The following CELA3B variants were observed in gnomAD, a reference collection of about 807,000 sequenced individuals.
CELA3B encodes the protein chymotrypsin like elastase 3B.
A neutral mutation model predicts 37.2 loss-of-function variants in CELA3B; 34 were observed. That is an observed-to-expected ratio of 0.91 (90% CI 0.70 to 1.22). CELA3B has a LOEUF of 1.22. Ranked by LOEUF, CELA3B falls within the 50% of genes most tolerant of loss-of-function variation. The pLI is 0.00. For synonymous variants in CELA3B, 127 were observed against 143.5 expected, an observed-to-expected ratio of 0.89 and a Z score of 0.82; for missense variants, 340 against 363.1, an observed-to-expected ratio of 0.94 and a Z score of 0.52.
chr1:21,982,082 C>A (rs1014428395), intron 4 of CELA3B, among the ~76,000 whole-genome samples: 1 of 151,994 alleles, frequency 6.6e-6, no homozygotes, highest in East Asian at 1.9e-4. Context: ...TTTTTTCTGG[C>A]GAGAGGGTCA....
intron 6 of CELA3B, among the ~76,000 whole-genome samples, chr1:21,986,099 C>T (rs910064292): frequency 6.8e-6 from 1 of 146,200 alleles, no homozygotes; most frequent in African/African-American, 2.5e-5. Flanking sequence ...GCTGGCTGGG[C>T]GTGGTGGCTC....
chr1:21,983,362 A>T (rs1173279365), intron 4 of CELA3B, among the ~76,000 whole-genome samples: 2 of 151,906 alleles, frequency 1.3e-5, no homozygotes, highest in Non-Finnish European at 2.9e-5. Context: ...CTCAAAAAAA[A>T]AAATAAAAAA....
intron 4 of CELA3B, among the ~76,000 whole-genome samples, chr1:21,996,452 C>T (rs1166975186): frequency 2.6e-5 from 4 of 151,098 alleles, no homozygotes; most frequent in African/African-American, 7.4e-5. Context: ...GCCATGGCAA[C>T]GTCAGGAAGT....
intron 6 of CELA3B, among the ~76,000 whole-genome samples, chr1:21,984,891 G>T (rs1214675795): frequency 2.0e-5 from 3 of 151,996 alleles, no homozygotes; most frequent in Non-Finnish European, 2.9e-5. Flanking sequence ...AGGTTGCAGT[G>T]AGTGGAGATC....
At position 21,996,674 on chromosome 1, in the gene CELA3B, T is replaced by C. The variant is rs1403274215; in HGVS notation, c.505-1477T>C. On this transcript the variant is annotated intron_variant, in intron 4 of 4. Coordinates refer to the CELA3B transcript ENST00000400277. ...CAAGAACCCTCTCTTGGCATCTAGATTGGGACCCCTTTCCTGTAACATCGG... is the reference window on the plus strand; with the variant it reads ...CAAGAACCCTCTCTTGGCATCTAGACTGGGACCCCTTTCCTGTAACATCGG... 2.6e-5 allele frequency among the ~76,000 whole-genome samples: 4 copies of C among 151,164 alleles called. 1 individual carries two copies. Among genetic ancestry groups the C allele is most frequent in the African/African-American group, 9.8e-5 (4 of 40,790 alleles).
chr1:21,984,298 G>A lies in CELA3B; in HGVS notation c.609G>A (p.Val203=), dbSNP rs750016665. 2.5e-6 allele frequency: 4 copies of A among 1,613,988 alleles called. No individual in the cohort carries two copies. The highest frequency in any genetic ancestry group is 3.4e-6 in the Non-Finnish European group (4 of 1,180,008). Residue 203 remains valine, a synonymous_variant, in exon 6 of 8, where the codon GTG becomes GTA. Transcript: ENST00000337107. ...WWGSSVKKTM[V]CAGGDIRSGC... ...GTTCCTCCGTGAAGAAGACCATGGT[G>A]TGTGCTGGAGGGGACATCCGCTCCG...
intron 4 of CELA3B, among the ~76,000 whole-genome samples, chr1:21,981,837 T>C (rs888577491): frequency 9.9e-5 from 15 of 152,016 alleles, no homozygotes; most frequent in African/African-American, 3.6e-4. Flanking sequence ...ACCATTCTCC[T>C]GCCTCAGCGT....
chr1:21,977,589 T>A lies in CELA3B; in HGVS notation c.43+507T>A, dbSNP rs560589262. ...ACTATGCCAGGCAGAATGTTTAGGGTTTTCCTTATACTTTCTCATGTAATT... is the reference window on the plus strand; with the variant it reads ...ACTATGCCAGGCAGAATGTTTAGGGATTTCCTTATACTTTCTCATGTAATT... On this transcript the variant is annotated intron_variant, in intron 1 of 7. Coordinates refer to ENST00000337107, the MANE Select transcript of CELA3B (RefSeq NM_007352.4). Among the ~76,000 whole-genome samples the A allele has an allele frequency of 1.4e-3, 212 of 152,112 alleles. 7 individuals are homozygous for A. The East Asian group carries it at 0.023, about 16-fold the overall frequency.
chr1:21,997,350 C>A (rs1267766558), intron 4 of CELA3B, among the ~76,000 whole-genome samples: 229 of 117,300 alleles, frequency 2.0e-3, no homozygotes, highest in Non-Finnish European at 3.0e-3. Flanking sequence ...CGACTCATCT[C>A]AAAAAAAAAA....
At chr1:21,997,305 G>T (rs1644894424) in intron 4 of CELA3B, among the ~76,000 whole-genome samples, 1 of 143,554 alleles carries the variant, frequency 7.0e-6, no homozygotes, top group African/African-American at 2.6e-5. Context: ...AGGTTGCAGT[G>T]AGCTGAGATC....
intron 2 of CELA3B, among the ~76,000 whole-genome samples, chr1:21,979,175 C>G (rs56395006): frequency 7.9e-5 from 12 of 151,598 alleles, no homozygotes; most frequent in Admixed American, 4.6e-4. Flanking sequence ...CGGGTTCAAG[C>G]GATTCTCCTA....
intron 4 of CELA3B, among the ~76,000 whole-genome samples, chr1:21,997,746 G>C (rs1395407005): frequency 2.0e-5 from 3 of 151,082 alleles, no homozygotes; most frequent in Non-Finnish European, 2.9e-5. Context: ...AATTTAGTAG[G>C]ACTATAACAT....
chr1:21,994,324 G>T (rs1051617520), downstream of CELA3B, among the ~76,000 whole-genome samples: 1 of 150,590 alleles, frequency 6.6e-6, no homozygotes, highest in Non-Finnish European at 1.5e-5. Flanking sequence ...CACCAGACAT[G>T]CCTGGGCTGG....
chr1:21,981,819 G>A (rs1481439348), intron 4 of CELA3B, among the ~76,000 whole-genome samples: 1 of 151,562 alleles, frequency 6.6e-6, no homozygotes, highest in African/African-American at 2.4e-5. Context: ...TCTGCCTCCC[G>A]GGTTCACACC....
downstream of CELA3B, among the ~76,000 whole-genome samples, chr1:21,992,003 C>T (rs774388951): frequency 2.4e-4 from 36 of 150,842 alleles, no homozygotes; most frequent in Non-Finnish European, 4.6e-4. Flanking sequence ...GCCTGTAATC[C>T]CAGCTACTCA....
At chr1:21,988,903 A>G (rs542658138) in intron 7 of CELA3B, among the ~76,000 whole-genome samples, 13 of 103,448 alleles carry the variant, frequency 1.3e-4, no homozygotes, top group African/African-American at 3.6e-4. Context: ...AAGAAAAAAA[A>G]CTCCAAAAAT....
intron 2 of CELA3B, among the ~76,000 whole-genome samples, chr1:21,979,453 CTTT>C (rs66459906): frequency 0.039 from 3,365 of 85,384 alleles, 71 homozygotes; most frequent in African/African-American, 0.084. Context: ...CTTTTCTTTT[CTTT>C]TTTTTTTTTT....
rs1273360091 is a variant in CELA3B at position 21,998,082 on chromosome 1, C to G, written c.505-69C>G. The G allele has an allele frequency of 4.3e-6, 2 of 464,624 alleles. 1 individual carries two copies. The highest frequency in any genetic ancestry group is 9.0e-6 in the Non-Finnish European group (2 of 223,280). 28.8% of individuals were successfully genotyped at this position (464,624 alleles called of 1,614,324 possible). On this transcript the variant is annotated intron_variant, in intron 4 of 4. Transcript: ENST00000400277. ...GTTTACATTACTCAGGTCCCATAAT[C>G]TCATTCCCTTAAGTCTAAGGTATTT...
At chr1:21,984,011 C>T (rs566054516) in intron 5 of CELA3B, among the ~76,000 whole-genome samples, 178 bp from the exon 6 acceptor site, 27 of 152,294 alleles carry the variant, frequency 1.8e-4, no homozygotes, top group African/African-American at 4.1e-4. Context: ...TGTTTTGGTA[C>T]CTTCTGTGTG....
Sources: allele counts gnomAD v4.1 joint callset (sites outside exome capture counted in the v4.1 genomes callset), GRCh38; gene constraint gnomAD v4.1.1; transcripts MANE v1.5; gene names NCBI Gene and HGNC (gene_info 2026-07-23, HGNC 2026-07-21).